DOCK4: variants seen among roughly 807,000 people sequenced by gnomAD.
DOCK4 encodes dedicator of cytokinesis 4.
In DOCK4, 97 loss-of-function variants were observed where a neutral mutation model predicts 268.1. That is an observed-to-expected ratio of 0.36 (90% CI 0.31 to 0.43). The LOEUF (loss-of-function observed/expected upper bound fraction) is 0.43, where lower values mean the gene tolerates loss of function less well. DOCK4 is among the 20% of genes least tolerant of loss of function. DOCK4 has a pLI of 1.00. For missense variants in DOCK4, 2,145 were observed against 2,455.7 expected (o/e 0.87, Z 2.67); for synonymous variants, 954 against 887.2 (o/e 1.08, Z -1.34).
intron 12 of DOCK4, among the ~76,000 whole-genome samples, chr7:111,925,194 T>C (rs1793499241): frequency 6.6e-6 from 1 of 152,202 alleles, no homozygotes; most frequent in Non-Finnish European, 1.5e-5. Context: ...TAGAATGTTA[T>C]GTGTTATATC....
At chr7:112,110,534 T>C (rs1400902974) in intron 1 of DOCK4, among the ~76,000 whole-genome samples, 1 of 152,204 alleles carries the variant, frequency 6.6e-6, no homozygotes, top group Non-Finnish European at 1.5e-5. Flanking sequence ...AGCCACATGG[T>C]GAACACGATC....
At chr7:111,850,201 G>C (rs1391561812) in intron 23 of DOCK4, among the ~76,000 whole-genome samples, 1 of 151,808 alleles carries the variant, frequency 6.6e-6, no homozygotes, top group Non-Finnish European at 1.5e-5. Context: ...TATCTGATTG[G>C]GTTCCTCATC....
At chr7:111,895,849 C>T in intron 15 of DOCK4, 131 bp from the exon 16 acceptor site, 1 of 795,670 alleles carries the variant, frequency 1.3e-6, no homozygotes, top group East Asian at 2.5e-5. Context: ...CACAGCTTTT[C>T]TGATAGGCCA....
rs370691876 is a variant in DOCK4 at position 112,206,084 on chromosome 7, C to T, written c.37+18G>A. ...CTCGGGCCAGAGCAGAATAAAAGTT[C>T]GCCCCGCGGAGACTCACCCACGCCG... is the stretch of plus-strand genomic sequence containing the variant. On this transcript the variant is annotated intron_variant, in intron 1 of 52. Transcript: ENST00000428084. 34 of 1,572,470 alleles carry T rather than the reference C, an allele frequency of 2.2e-5. No homozygotes were observed. The highest frequency in any genetic ancestry group is 2.4e-5 in the Non-Finnish European group (28 of 1,158,534).
chr7:112,174,166 G>A (rs969852766), intron 1 of DOCK4, among the ~76,000 whole-genome samples: 2 of 152,078 alleles, frequency 1.3e-5, no homozygotes, highest in African/African-American at 4.8e-5. Context: ...CTCTTTGGTC[G>A]GCTGTGAGAG....
chr7:111,951,948 A>G (rs1227401073), intron 8 of DOCK4, among the ~76,000 whole-genome samples: 1 of 152,086 alleles, frequency 6.6e-6, no homozygotes, highest in African/African-American at 2.4e-5. Context: ...AATATTCTTA[A>G]TAAAATTAAA....
chr7:111,795,956 G>A (rs1201158626), intron 30 of DOCK4, among the ~76,000 whole-genome samples: 1 of 152,152 alleles, frequency 6.6e-6, no homozygotes, highest in Non-Finnish European at 1.5e-5. Context: ...CTGTCCTAAG[G>A]CTGTCTCAGA....
intron 27 of DOCK4, among the ~76,000 whole-genome samples, chr7:111,816,488 T>G (rs1801566197): frequency 6.6e-6 from 1 of 152,260 alleles, no homozygotes; most frequent in African/African-American, 2.4e-5. Flanking sequence ...AAAGGATGCT[T>G]AAGACTTCAG....
chr7:111,896,193 C>A (rs2134384766), intron 15 of DOCK4, among the ~76,000 whole-genome samples: 1 of 152,294 alleles, frequency 6.6e-6, no homozygotes, highest in East Asian at 1.9e-4. Flanking sequence ...GACAGAACTT[C>A]TTTCCCTATA....
intron 1 of DOCK4, among the ~76,000 whole-genome samples, chr7:112,007,594 ATACTC>A (rs545076253): frequency 3.3e-4 from 51 of 152,316 alleles, no homozygotes; most frequent in African/African-American, 1.2e-3. Context: ...GATGGATACT[ATACTC>A]AGGAAAAATG....
intron 1 of DOCK4, among the ~76,000 whole-genome samples, chr7:112,163,703 C>T (rs1817343360): frequency 6.6e-6 from 1 of 151,936 alleles, no homozygotes; most frequent in African/African-American, 2.4e-5. Flanking sequence ...AATTATTACC[C>T]CATTTTACAA....
At chr7:112,206,063 G>A (rs1300079822) in intron 1 of DOCK4, 39 bp downstream of exon 1, 1 of 1,559,680 alleles carries the variant, frequency 6.4e-7, no homozygotes. Flanking sequence ...CACTCGCTCG[G>A]GCCAGAGCAG....
intron 1 of DOCK4, among the ~76,000 whole-genome samples, chr7:112,188,893 A>G (rs1819687249): frequency 6.6e-6 from 1 of 152,204 alleles, no homozygotes; most frequent in Non-Finnish European, 1.5e-5. Flanking sequence ...TTTTCTCAGT[A>G]TCAAGTCAGT....
At chr7:111,863,660 T>A in intron 22 of DOCK4, 96 bp from the exon 23 acceptor site, 11 of 1,273,622 alleles carry the variant, frequency 8.6e-6, no homozygotes, top group African/African-American at 1.5e-5. Context: ...GCAAGTGTTT[T>A]TGAATGGTAG....
chr7:111,754,967 T>G (rs928382675), intron 42 of DOCK4, among the ~76,000 whole-genome samples: 2 of 152,208 alleles, frequency 1.3e-5, no homozygotes, highest in African/African-American at 4.8e-5. Context: ...GACATTAGCC[T>G]CCTTCAGCCT....
chr7:111,746,720 T>C (rs1163134996), intron 43 of DOCK4, among the ~76,000 whole-genome samples: 5 of 152,020 alleles, frequency 3.3e-5, no homozygotes, highest in Non-Finnish European at 5.9e-5. Context: ...GTGACCTAGA[T>C]GGTGGCCTTA....
chr7:111,950,447 C>G (rs1476131107), intron 8 of DOCK4, among the ~76,000 whole-genome samples: 1 of 152,128 alleles, frequency 6.6e-6, no homozygotes, highest in East Asian at 1.9e-4. Context: ...GACTTTTTTC[C>G]TAAGTGGAAG....
At chr7:112,003,591 A>C (rs1009157678) in intron 2 of DOCK4, among the ~76,000 whole-genome samples, 1 of 152,196 alleles carries the variant, frequency 6.6e-6, no homozygotes, top group Admixed American at 6.5e-5. Context: ...TGCATTGAAT[A>C]ATTTTATTCC....
At chr7:112,178,277 G>A (rs996228543) in intron 1 of DOCK4, among the ~76,000 whole-genome samples, 1 of 152,188 alleles carries the variant, frequency 6.6e-6, no homozygotes, top group African/African-American at 2.4e-5. Context: ...GTGCTGAAGT[G>A]AGGCTTACAG....
Sources: allele counts gnomAD v4.1 joint callset (sites outside exome capture counted in the v4.1 genomes callset), GRCh38; gene constraint gnomAD v4.1.1; transcripts MANE v1.5; gene names NCBI Gene and HGNC (gene_info 2026-07-23, HGNC 2026-07-21).